Variants in L3MBTL3 observed in about 807,000 individuals in gnomAD.
L3MBTL3 encodes L3MBTL histone methyl-lysine binding protein 3, also known as lethal(3)malignant brain tumor-like protein 3.
A neutral mutation model predicts 102.3 loss-of-function variants in L3MBTL3; 27 were observed. The observed-to-expected ratio is 0.26, with a 90% CI of 0.19 to 0.36. The LOEUF (loss-of-function observed/expected upper bound fraction) is 0.36. L3MBTL3 is among the 10% of genes least tolerant of loss of function. The pLI, the probability that L3MBTL3 is intolerant of heterozygous loss-of-function variation, is 1.00. For missense variants in L3MBTL3, 798 were observed against 955.3 expected (o/e 0.84, Z 2.17); for synonymous variants, 340 against 320.9 (o/e 1.06, Z -0.64).
intron 13 of L3MBTL3, among the ~76,000 whole-genome samples, chr6:130,075,387 T>C (rs2115039976): frequency 6.6e-6 from 1 of 152,248 alleles, no homozygotes; most frequent in East Asian, 1.9e-4. Flanking sequence ...TATTCTTGGC[T>C]AAGGAAAGCA....
At chr6:130,019,904 CGCGGCGTT>C (rs1241100716) in intron 1 of L3MBTL3, among the ~76,000 whole-genome samples, 1 of 140,322 alleles carries the variant, frequency 7.1e-6, no homozygotes, top group African/African-American at 2.6e-5. Context: ...CCCGCGCCGT[CGCGGCGTT>C]CGCCCCGCGC....
intron 10 of L3MBTL3, among the ~76,000 whole-genome samples, chr6:130,061,158 C>T (rs1423960715): frequency 1.3e-5 from 2 of 149,006 alleles, no homozygotes; most frequent in African/African-American, 5.0e-5. Flanking sequence ...AATCTTGGCT[C>T]ACTACAACCT....
At chr6:130,131,707 A>G (rs1257335247) in intron 20 of L3MBTL3, among the ~76,000 whole-genome samples, 3 of 152,166 alleles carry the variant, frequency 2.0e-5, no homozygotes, top group Non-Finnish European at 4.4e-5. Flanking sequence ...TATGCTAAAC[A>G]GGGGGTGGAT....
intron 12 of L3MBTL3, among the ~76,000 whole-genome samples, chr6:130,069,380 A>G (rs1782477966): frequency 6.6e-6 from 1 of 152,222 alleles, no homozygotes; most frequent in African/African-American, 2.4e-5. Flanking sequence ...TTTGGGAAAC[A>G]GTGTTAACCA....
chr6:130,088,250 C>T (rs367797902), intron 16 of L3MBTL3, among the ~76,000 whole-genome samples: 1 of 152,088 alleles, frequency 6.6e-6, no homozygotes, highest in African/African-American at 2.4e-5. Context: ...AACCATGGAA[C>T]AAATATCTGA....
rs184278173 is a variant in L3MBTL3, at chr6:130,132,282, A to G, written c.1967-1170A>G. On this transcript the variant is annotated intron_variant, in intron 20 of 22. Transcript: ENST00000361794. Reference sequence around the variant, plus strand: ...TACCCAAGTTTCCATTTTAAATACAATTCAAAAAAGGGTAAATGAATCTAT... The same window carrying G: ...TACCCAAGTTTCCATTTTAAATACAGTTCAAAAAAGGGTAAATGAATCTAT... Among the ~76,000 whole-genome samples the G allele has an allele frequency of 7.9e-5, 12 of 152,336 alleles. No homozygotes were observed. In the East Asian group the frequency reaches 2.3e-3, roughly 29 times the overall value.
chr6:130,130,226 T>C (rs1217576986), intron 20 of L3MBTL3, among the ~76,000 whole-genome samples: 1 of 152,200 alleles, frequency 6.6e-6, no homozygotes, highest in African/African-American at 2.4e-5. Context: ...AGGAACAATG[T>C]GCGGAACATT....
In L3MBTL3 at chr6:130,108,242, T is replaced by G. The variant is rs967770391; in HGVS notation, c.1886+3667T>G. Among the ~76,000 whole-genome samples, 48 of 142,322 alleles carry G rather than the reference T, an allele frequency of 3.4e-4. No individual in the cohort carries two copies. The East Asian group carries it at 3.9e-3, about 12-fold the overall frequency. 93.4% of individuals were successfully genotyped at this position (142,322 alleles called of 152,430 possible). The stretch of plus-strand genomic sequence containing the variant: ...GTGGTTTTTTTTTTGTTTTTTTTTT[T>G]TTTTTTTTTTTAGATGGAGTCTTGC... On this transcript the variant is annotated intron_variant, in intron 19 of 22. Transcript: ENST00000361794.
intron 19 of L3MBTL3, among the ~76,000 whole-genome samples, chr6:130,108,246 T>G (rs929612852): frequency 2.8e-5 from 4 of 143,628 alleles, no homozygotes; most frequent in Admixed American, 6.9e-5. Flanking sequence ...TTTTTTTTTT[T>G]TTTTTTTAGA....
chr6:130,030,756 T>C (rs1012697610), intron 2 of L3MBTL3, among the ~76,000 whole-genome samples: 1 of 151,720 alleles, frequency 6.6e-6, no homozygotes, highest in Non-Finnish European at 1.5e-5. Context: ...GTCTTCTAGG[T>C]TGACTAAAAT....
intron 2 of L3MBTL3, among the ~76,000 whole-genome samples, chr6:130,023,903 A>C (rs1779168927): frequency 6.6e-6 from 1 of 152,190 alleles, no homozygotes; most frequent in Non-Finnish European, 1.5e-5. Flanking sequence ...TTTCCCTTGT[A>C]TACTATTGGC....
intron 7 of L3MBTL3, among the ~76,000 whole-genome samples, chr6:130,053,485 A>G (rs954373683): frequency 6.6e-6 from 1 of 152,034 alleles, no homozygotes; most frequent in Non-Finnish European, 1.5e-5. Context: ...AATACAAAAA[A>G]TTAGGTAGGC....
intron 2 of L3MBTL3, among the ~76,000 whole-genome samples, chr6:130,033,954 T>C (rs967054660): frequency 1.3e-5 from 2 of 152,246 alleles, no homozygotes; most frequent in South Asian, 2.1e-4. Flanking sequence ...TCTTCCCTTA[T>C]TTGCAGGTGC....
intron 9 of L3MBTL3, among the ~76,000 whole-genome samples, 157 bp from the exon 10 acceptor site, chr6:130,059,879 A>G (rs1415840668): frequency 6.6e-6 from 1 of 152,024 alleles, no homozygotes; most frequent in Non-Finnish European, 1.5e-5. Flanking sequence ...GCCTTGGTCC[A>G]TTTTTTCAGT....
rs901170995 is a variant in L3MBTL3, at chr6:130,133,460, G to A, written c.1975G>A (p.Glu659Lys). The change falls in exon 21 of 23, where the codon GAA becomes AAA. Residue 659 changes from glutamate to lysine, a missense_variant. This residue lies in a region of L3MBTL3 where 306 missense variants were observed against 314.4 expected (regional missense o/e 0.97). Coordinates refer to ENST00000361794, the MANE Select transcript of L3MBTL3 (RefSeq NM_032438.4). This position sits in a 1 kb window ranked among gnomAD's most constrained non-coding sequence, Gnocchi z 4.9. ...TTGTTTTCATTGACCAGGTGCCCGG[G>A]AAGAACCCACCGTCCAGCAGGCACA... ...RTSHEARGAR[E>K]EPTVQQAQRR... 1.9e-6 allele frequency: 3 copies of A among 1,613,594 alleles called. No homozygotes were observed. Among genetic ancestry groups the A allele is most frequent in the Non-Finnish European group, 2.5e-6 (3 of 1,179,818 alleles).
chr6:130,047,108 T>TG (rs1175080851), intron 3 of L3MBTL3, among the ~76,000 whole-genome samples: 1 of 152,090 alleles, frequency 6.6e-6, no homozygotes, highest in Non-Finnish European at 1.5e-5. Context: ...TATTCTTTAT[T>TG]TTTTTTTCAG....
chr6:130,019,992 C>G (rs1206625928), intron 1 of L3MBTL3, among the ~76,000 whole-genome samples: 1 of 94,020 alleles, frequency 1.1e-5, no homozygotes, highest in African/African-American at 4.2e-5. Flanking sequence ...CGGCGGCGGT[C>G]GCGGCGGCGG....
chr6:130,060,203 G>A, intron 10 of L3MBTL3, 63 bp downstream of exon 10: 1 of 946,212 alleles, frequency 1.1e-6, no homozygotes, highest in Non-Finnish European at 1.6e-6. Context: ...TTAAAATGAG[G>A]AAAAACTGCC....
intron 19 of L3MBTL3, among the ~76,000 whole-genome samples, chr6:130,109,429 G>A (rs997735076): frequency 6.6e-6 from 1 of 152,146 alleles, no homozygotes; most frequent in African/African-American, 2.4e-5. Context: ...TCTCATTGTG[G>A]TTTTGATTTG....
Sources: allele counts gnomAD v4.1 joint callset (sites outside exome capture counted in the v4.1 genomes callset), GRCh38; gene constraint gnomAD v4.1.1; regional missense constraint gnomAD v4.1.1; non-coding constraint Gnocchi (gnomAD v3.1); transcripts MANE v1.5; gene names NCBI Gene and HGNC (gene_info 2026-07-23, HGNC 2026-07-21).